The following ARHGAP26 variants were observed in gnomAD, a reference collection of about 807,000 sequenced individuals.
ARHGAP26 encodes the protein rho GTPase-activating protein 26.
A neutral mutation model predicts 104.8 loss-of-function variants in ARHGAP26; 38 were observed. The ratio of observed to expected loss-of-function variants is 0.36; its 90% CI spans 0.28 to 0.48. The LOEUF is 0.48. Among genes scored for constraint, ARHGAP26 ranks in the 20% least tolerant of loss-of-function variants. The pLI is 0.99. For missense variants in ARHGAP26, 704 were observed against 947.9 expected (o/e 0.74, Z 3.38); for synonymous variants, 341 against 340.0 (o/e 1.00, Z -0.03).
intron 17 of ARHGAP26, among the ~76,000 whole-genome samples, chr5:143,099,762 G>T (rs999093149): frequency 5.3e-5 from 8 of 152,068 alleles, no homozygotes. Context: ...GAAGCAATGT[G>T]GGGGAATATC....
At chr5:143,182,872 C>T (rs1460055728) in intron 20 of ARHGAP26, among the ~76,000 whole-genome samples, 2 of 151,962 alleles carry the variant, frequency 1.3e-5, no homozygotes, top group African/African-American at 4.8e-5. Flanking sequence ...TTTTAGGGTA[C>T]AGTCATTGGT....
At chr5:142,880,818 T>C (rs1185943029) in intron 4 of ARHGAP26, among the ~76,000 whole-genome samples, 2 of 152,122 alleles carry the variant, frequency 1.3e-5, no homozygotes, top group Non-Finnish European at 2.9e-5. Context: ...GAAATAGATA[T>C]GATTAGGGCC....
intron 5 of ARHGAP26, among the ~76,000 whole-genome samples, chr5:142,887,914 A>C (rs1757953341): frequency 6.6e-6 from 1 of 152,090 alleles, no homozygotes; most frequent in Non-Finnish European, 1.5e-5. Flanking sequence ...GCAGTGAGCC[A>C]CAGTCGCGCC....
At chr5:142,855,956 T>G (rs974010141) in intron 1 of ARHGAP26, among the ~76,000 whole-genome samples, 2 of 152,260 alleles carry the variant, frequency 1.3e-5, no homozygotes, top group African/African-American at 4.8e-5. Context: ...TATGGCATAG[T>G]CTACTCCTTT....
At chr5:142,873,254 T>C in intron 1 of ARHGAP26, 146 bp from the exon 2 acceptor site, 1 of 605,368 alleles carries the variant, frequency 1.7e-6, no homozygotes, top group Non-Finnish European at 2.8e-6. Context: ...TTGACTATTT[T>C]GAATTTATAT....
chr5:142,901,816 T>A, intron 6 of ARHGAP26, 119 bp from the exon 7 acceptor site: 1 of 772,854 alleles, frequency 1.3e-6, no homozygotes, highest in Non-Finnish European at 2.1e-6. Flanking sequence ...TCTTTAAATG[T>A]CAGCCATTAT....
intron 3 of ARHGAP26, among the ~76,000 whole-genome samples, chr5:142,878,103 T>C (rs749761739): frequency 7.9e-5 from 12 of 152,250 alleles, no homozygotes; most frequent in Non-Finnish European, 1.5e-4. Context: ...TTCAGTTAGT[T>C]CTTTACTGTG....
Position 143,109,247 on chromosome 5 carries a change from C to A in ARHGAP26, c.1539-11741C>A, listed in dbSNP as rs190322016. 2.1e-3 allele frequency among the ~76,000 whole-genome samples: 318 copies of A among 152,250 alleles called. 4 individuals are homozygous for A. Among genetic ancestry groups the A allele is most frequent in the African/African-American group, 7.4e-3 (309 of 41,550 alleles). On this transcript the variant is annotated intron_variant, in intron 17 of 22. Transcript: ENST00000645722. ...CCACCAGGCTTCCCAGTAGAGGTCT[C>A]CAGCACAATGACCAAGAGGAAAATG...
chr5:142,835,262 T>C (rs1769325806), intron 1 of ARHGAP26, among the ~76,000 whole-genome samples: 1 of 152,262 alleles, frequency 6.6e-6, no homozygotes, highest in African/African-American at 2.4e-5. Context: ...TTGGAATGGC[T>C]GTTCTTCAAA....
intron 15 of ARHGAP26, among the ~76,000 whole-genome samples, chr5:143,055,467 C>A (rs1333817990): frequency 1.3e-5 from 2 of 152,146 alleles, no homozygotes; most frequent in African/African-American, 2.4e-5. Flanking sequence ...CTTATTTGAA[C>A]TATCAGGAAA....
Position 143,068,828 on chromosome 5 carries a change from T to A in ARHGAP26, c.1538+11081T>A, listed in dbSNP as rs184164949. Among the ~76,000 whole-genome samples the A allele has an allele frequency of 3.9e-3, 589 of 152,368 alleles. 6 individuals carry two copies. Among genetic ancestry groups the A allele is most frequent in the South Asian group, 0.028 (134 of 4,830 alleles). On this transcript the variant is annotated intron_variant, in intron 17 of 22. Coordinates refer to ENST00000645722, the MANE Select transcript of ARHGAP26 (RefSeq NM_001135608.3). ...TCTTTCTTGAACCTCAGGCTTTTTATGCACACTAGTCCACTGAAATGCCTC... is the reference window on the plus strand; with the variant it reads ...TCTTTCTTGAACCTCAGGCTTTTTAAGCACACTAGTCCACTGAAATGCCTC...
chr5:142,802,580 C>T (rs1762280832), intron 1 of ARHGAP26, among the ~76,000 whole-genome samples: 1 of 152,088 alleles, frequency 6.6e-6, no homozygotes, highest in Non-Finnish European at 1.5e-5. Flanking sequence ...AACCTATCGA[C>T]GATGTTAAGC....
intron 11 of ARHGAP26, among the ~76,000 whole-genome samples, chr5:142,985,995 G>A (rs2152742035): frequency 6.6e-6 from 1 of 152,264 alleles, no homozygotes; most frequent in Middle Eastern, 3.4e-3. Flanking sequence ...ATAGCAGCAT[G>A]ATTTATAATT....
rs1287854214 is a variant in ARHGAP26 at position 142,837,960 on chromosome 5, A to G, written c.155-35440A>G. On this transcript the variant is annotated intron_variant, in intron 1 of 22. Coordinates refer to ENST00000645722, the MANE Select transcript of ARHGAP26 (RefSeq NM_001135608.3). ...GATAGCAATCTGAGTGTTTGCAGGT[A>G]TGACATGTTGAGGGTAGGCTGGGCG... Among the ~76,000 whole-genome samples, 5 of 152,182 alleles carry G rather than the reference A, an allele frequency of 3.3e-5. No individual in the cohort carries two copies. The East Asian group carries it at 5.8e-4, about 18-fold the overall frequency.
chr5:142,868,785 G>A (rs1371536473), intron 1 of ARHGAP26: 1 of 152,336 alleles, frequency 6.6e-6, no homozygotes, highest in East Asian at 1.9e-4. Flanking sequence ...CTAGGAATGG[G>A]GGTGTGGGCT....
chr5:143,196,764 A>G (rs1461470434), intron 20 of ARHGAP26, among the ~76,000 whole-genome samples: 1 of 152,240 alleles, frequency 6.6e-6, no homozygotes. Context: ...TGTTTACAGT[A>G]TGAGAGCTGA....
chr5:142,957,228 A>G (rs1430666182), intron 11 of ARHGAP26, among the ~76,000 whole-genome samples: 1 of 152,198 alleles, frequency 6.6e-6, no homozygotes, highest in Non-Finnish European at 1.5e-5. Flanking sequence ...AATCTTTTTG[A>G]TAGTGCTGTA....
At chr5:142,814,947 G>T (rs1486596123) in intron 1 of ARHGAP26, among the ~76,000 whole-genome samples, 1 of 152,228 alleles carries the variant, frequency 6.6e-6, no homozygotes, top group African/African-American at 2.4e-5. Flanking sequence ...TCCCTAGTCA[G>T]TTGGCTGGCT....
chr5:143,190,763 A>T (rs1195582180), intron 20 of ARHGAP26, among the ~76,000 whole-genome samples: 1 of 152,248 alleles, frequency 6.6e-6, no homozygotes, highest in Non-Finnish European at 1.5e-5. Flanking sequence ...TGCAAATATT[A>T]TCACTAATAA....
Sources: gnomAD v4.1 joint callset for allele counts (sites outside exome capture counted in the v4.1 genomes callset) on GRCh38, gnomAD v4.1.1 for gene constraint, MANE v1.5 for transcripts, NCBI Gene and HGNC (gene_info 2026-07-23, HGNC 2026-07-21) for gene names.